TBC1D1: variants seen among roughly 807,000 people sequenced by gnomAD.
The protein encoded by TBC1D1 is TBC1 domain family member 1, also known as TBC1 (tre-2/USP6, BUB2, cdc16) domain family, member 1.
Under a neutral mutation model 125.6 loss-of-function variants are expected in TBC1D1, and 89 were observed. The observed-to-expected ratio is 0.71, with a 90% CI of 0.60 to 0.85. The LOEUF (loss-of-function observed/expected upper bound fraction) is 0.85. TBC1D1 is among the 40% of genes least tolerant of loss of function. TBC1D1 has a pLI of 0.00. For synonymous variants in TBC1D1, 565 were observed against 564.1 expected (o/e 1.00, Z -0.02); for missense variants, 1,377 against 1,469.2 (o/e 0.94, Z 1.03).
At chr4:38,134,608 C>T (rs367877734) in intron 19 of TBC1D1, among the ~76,000 whole-genome samples, 1 of 152,152 alleles carries the variant, frequency 6.6e-6, no homozygotes, top group African/African-American at 2.4e-5. Flanking sequence ...TAATAAAGCT[C>T]ACATTTGCAT....
intron 12 of TBC1D1, among the ~76,000 whole-genome samples, chr4:38,081,161 C>G (rs1053227602): frequency 7.9e-5 from 12 of 152,158 alleles, no homozygotes; most frequent in African/African-American, 2.4e-4. Flanking sequence ...TCCTTTCTGC[C>G]CAGTCTTCCC....
intron 2 of TBC1D1, among the ~76,000 whole-genome samples, chr4:37,964,958 C>A (rs1230857162): frequency 6.6e-6 from 1 of 152,226 alleles, no homozygotes; most frequent in Non-Finnish European, 1.5e-5. Context: ...CATGCCAGCT[C>A]CCTGAAATCT....
intron 6 of TBC1D1, among the ~76,000 whole-genome samples, chr4:38,026,938 C>T (rs116601255): frequency 0.01 from 1,571 of 152,216 alleles, 26 homozygotes; most frequent in African/African-American, 0.036. Context: ...ATCAATTTTC[C>T]GTGATGGGAA....
chr4:37,970,949 C>CG (rs397992988), intron 2 of TBC1D1, among the ~76,000 whole-genome samples: 1 of 152,186 alleles, frequency 6.6e-6, no homozygotes, highest in East Asian at 1.9e-4. Flanking sequence ...TGGCCCCCCC[C>CG]ACTAGAGGGC....
intron 7 of TBC1D1, among the ~76,000 whole-genome samples, chr4:38,028,870 A>G (rs1578337403): frequency 6.6e-6 from 1 of 151,948 alleles, no homozygotes; most frequent in Admixed American, 6.6e-5. Flanking sequence ...CTTTCCCCCA[A>G]CACCTTTTTT....
At chr4:38,016,265 C>T (rs1303016936) in intron 3 of TBC1D1, among the ~76,000 whole-genome samples, 1 of 152,172 alleles carries the variant, frequency 6.6e-6, no homozygotes, top group African/African-American at 2.4e-5. Context: ...GTGATTTTCA[C>T]CTAACACAAG....
intron 12 of TBC1D1, among the ~76,000 whole-genome samples, chr4:38,075,001 C>T (rs766666949): frequency 3.3e-5 from 5 of 152,224 alleles, no homozygotes; most frequent in African/African-American, 4.8e-5. Flanking sequence ...CCTCGTCATC[C>T]GCCTGCCTTG....
intron 8 of TBC1D1, among the ~76,000 whole-genome samples, chr4:38,036,598 C>T (rs1051948056): frequency 1.3e-5 from 2 of 152,178 alleles, no homozygotes; most frequent in East Asian, 1.9e-4. Context: ...GCAGCCTTTG[C>T]GTCTGGACCC....
chr4:38,132,504 C>T (rs527315886), intron 18 of TBC1D1, among the ~76,000 whole-genome samples: 2 of 152,292 alleles, frequency 1.3e-5, no homozygotes, highest in Admixed American at 6.5e-5. Flanking sequence ...ACTCAGGCAT[C>T]GTTTCGTATT....
chr4:38,019,639 A>G (rs973604994), intron 4 of TBC1D1, among the ~76,000 whole-genome samples: 7 of 152,204 alleles, frequency 4.6e-5, no homozygotes, highest in Non-Finnish European at 8.8e-5. Flanking sequence ...CTGCATGATG[A>G]TGCTTTCAGA....
chr4:38,081,550 T>C (rs1301673486), intron 12 of TBC1D1, among the ~76,000 whole-genome samples: 2 of 152,238 alleles, frequency 1.3e-5, no homozygotes, highest in Non-Finnish European at 2.9e-5. Flanking sequence ...CTTTCTTTTT[T>C]ATCCCCAACC....
At chr4:37,913,632 T>C (rs1270765010) in intron 2 of TBC1D1, among the ~76,000 whole-genome samples, 2 of 150,566 alleles carry the variant, frequency 1.3e-5, no homozygotes, top group Non-Finnish European at 3.0e-5. Context: ...TGTGTGTATA[T>C]ATATATATGT....
At chr4:38,008,639 G>T (rs1036337762) in intron 2 of TBC1D1, among the ~76,000 whole-genome samples, 1 of 152,176 alleles carries the variant, frequency 6.6e-6, no homozygotes, top group African/African-American at 2.4e-5. Flanking sequence ...ATGCCCAGAT[G>T]CCTCCTCAGC....
At chr4:37,904,920 G>A (rs1430183971) in intron 2 of TBC1D1, among the ~76,000 whole-genome samples, 1 of 152,230 alleles carries the variant, frequency 6.6e-6, no homozygotes, top group Non-Finnish European at 1.5e-5. Context: ...TGCTGTAGGA[G>A]CATTCTCTTG....
intron 11 of TBC1D1, 26 bp from the exon 14 acceptor site, chr4:38,054,173 A>G (rs1366035057): frequency 1.9e-6 from 3 of 1,610,886 alleles, no homozygotes; most frequent in Non-Finnish European, 2.5e-6. Context: ...CCCACTAGTC[A>G]TAAATCAATC....
chr4:37,904,815 G>C (rs1716950028), intron 2 of TBC1D1, among the ~76,000 whole-genome samples: 3 of 152,222 alleles, frequency 2.0e-5, no homozygotes, highest in Admixed American at 2.0e-4. Flanking sequence ...GTTGGAAACA[G>C]AACAGTAAAT....
intron 12 of TBC1D1, among the ~76,000 whole-genome samples, chr4:38,086,818 GA>G: frequency 6.6e-6 from 1 of 152,314 alleles, no homozygotes; most frequent in South Asian, 2.1e-4. Context: ...GAGCTTGATG[GA>G]AATGCTCCCC....
At chr4:38,050,235 C>T (rs1750255320) in intron 11 of TBC1D1, among the ~76,000 whole-genome samples, 1 of 152,180 alleles carries the variant, frequency 6.6e-6, no homozygotes, top group African/African-American at 2.4e-5. Flanking sequence ...ATCTGAAGCC[C>T]TGGAGCAGGG....
At chr4:37,895,008 AT>A (rs1714232774) in intron 1 of TBC1D1, among the ~76,000 whole-genome samples, 1 of 152,218 alleles carries the variant, frequency 6.6e-6, no homozygotes, top group Non-Finnish European at 1.5e-5. Flanking sequence ...AAGATCATGA[AT>A]GTAAAATGTC....
Sources: gnomAD v4.1 joint callset for allele counts (sites outside exome capture counted in the v4.1 genomes callset) on GRCh38, gnomAD v4.1.1 for gene constraint, MANE v1.5 for transcripts, NCBI Gene and HGNC (gene_info 2026-07-23, HGNC 2026-07-21) for gene names.